Variants in EPHA6 observed in about 807,000 individuals in gnomAD.
The protein encoded by EPHA6 is EPH receptor A6.
A neutral mutation model predicts 112.0 loss-of-function variants in EPHA6; 50 were observed. The observed-to-expected ratio is 0.45, with a 90% CI of 0.36 to 0.56. The LOEUF (loss-of-function observed/expected upper bound fraction) is 0.56, where lower values mean the gene tolerates loss of function less well. Ranked by LOEUF, EPHA6 falls within the 20% of genes least tolerant of loss-of-function variation. The probability of loss-of-function intolerance (pLI) is 0.00; values close to 1 mark genes in which losing one functional copy is unlikely to be tolerated. For synonymous variants in EPHA6, 529 were observed against 490.7 expected, an observed-to-expected ratio of 1.08 and a Z score of -1.03; for missense variants, 1,280 against 1,417.4, an observed-to-expected ratio of 0.90 and a Z score of 1.56.
chr3:96,866,638 A>T (rs563651731), intron 1 of EPHA6, among the ~76,000 whole-genome samples, 187 bp from the exon 2 acceptor site: 99 of 151,836 alleles, frequency 6.5e-4, no homozygotes, highest in African/African-American at 2.4e-3. Context: ...GCATTTTATC[A>T]TTACTTAATA....
intron 8 of EPHA6, among the ~76,000 whole-genome samples, chr3:97,477,973 GT>G (rs1255770924): frequency 1.3e-5 from 2 of 152,014 alleles, no homozygotes; most frequent in African/African-American, 4.8e-5. Flanking sequence ...CATTTTCAAA[GT>G]TTCTTTGAAG....
rs572610446 is a variant in EPHA6, at chr3:96,992,952, G to A, written c.1114+4959G>A. Among the ~76,000 whole-genome samples the A allele has an allele frequency of 2.0e-5, 3 of 152,196 alleles. No homozygotes were observed. The East Asian group carries it at 5.8e-4, about 29-fold the overall frequency. ...AATTATTTGTGTATCTGTTTCACTAGGGCTGTCAGATAAAAGAGGTGTACT... is the reference window on the plus strand; with the variant it reads ...AATTATTTGTGTATCTGTTTCACTAAGGCTGTCAGATAAAAGAGGTGTACT... On this transcript the variant is annotated intron_variant, in intron 3 of 17. Coordinates refer to ENST00000389672, the MANE Select transcript of EPHA6 (RefSeq NM_001080448.3).
chr3:97,135,966 C>T (rs2075758680), intron 3 of EPHA6, among the ~76,000 whole-genome samples: 1 of 152,094 alleles, frequency 6.6e-6, no homozygotes, highest in Non-Finnish European at 1.5e-5. Context: ...AATATCCATG[C>T]TGCATTATAT....
chr3:96,994,903 A>C (rs2043364222), intron 3 of EPHA6, among the ~76,000 whole-genome samples: 1 of 151,782 alleles, frequency 6.6e-6, no homozygotes, highest in African/African-American at 2.4e-5. Flanking sequence ...TAACTTAACT[A>C]AATACTATTT....
At chr3:97,343,989 TCTC>T (rs1297633536) in intron 5 of EPHA6, among the ~76,000 whole-genome samples, 2 of 152,146 alleles carry the variant, frequency 1.3e-5, no homozygotes, top group Non-Finnish European at 2.9e-5. Context: ...ACTTCCCTAG[TCTC>T]CTATTTTTTC....
intron 16 of EPHA6, among the ~76,000 whole-genome samples, chr3:97,741,573 T>A (rs2035507026): frequency 6.6e-6 from 1 of 151,992 alleles, no homozygotes; most frequent in Non-Finnish European, 1.5e-5. Flanking sequence ...ATTATTCCCA[T>A]CCCTTAGACA....
intron 11 of EPHA6, among the ~76,000 whole-genome samples, chr3:97,546,581 C>G (rs528653156): frequency 7.9e-5 from 12 of 152,196 alleles, no homozygotes; most frequent in African/African-American, 2.9e-4. Context: ...TTGTGGAGTT[C>G]TCTGTATTTC....
intron 5 of EPHA6, among the ~76,000 whole-genome samples, chr3:97,378,008 C>A (rs1232775056): frequency 2.6e-5 from 4 of 152,204 alleles, no homozygotes; most frequent in Non-Finnish European, 5.9e-5. Context: ...AAACATTAAT[C>A]CCCAAGACAA....
intron 2 of EPHA6, among the ~76,000 whole-genome samples, chr3:96,882,451 A>C (rs1458149051): frequency 2.0e-5 from 3 of 152,102 alleles, no homozygotes; most frequent in African/African-American, 7.2e-5. Flanking sequence ...TGCACCTATC[A>C]CCTGAGCAGT....
intron 2 of EPHA6, among the ~76,000 whole-genome samples, chr3:96,951,001 CT>C (rs11457456): frequency 6.6e-6 from 1 of 150,376 alleles, no homozygotes; most frequent in Non-Finnish European, 1.5e-5. Context: ...GACTTCTTTG[CT>C]TTTTTTTTAC....
intron 3 of EPHA6, among the ~76,000 whole-genome samples, chr3:97,060,865 A>G (rs1462345959): frequency 7.2e-6 from 1 of 139,016 alleles, no homozygotes; most frequent in Non-Finnish European, 1.5e-5. Context: ...CGGAGCTTAC[A>G]GTGAGCCGAG....
intron 10 of EPHA6, among the ~76,000 whole-genome samples, chr3:97,494,343 G>A (rs1184325123): frequency 1.3e-5 from 2 of 152,150 alleles, no homozygotes; most frequent in Non-Finnish European, 2.9e-5. Context: ...CTCGCAGTAA[G>A]TGACACTTTC....
chr3:97,175,799 AC>A (rs1364690817), intron 3 of EPHA6, among the ~76,000 whole-genome samples: 7 of 151,502 alleles, frequency 4.6e-5, no homozygotes, highest in African/African-American at 1.5e-4. Flanking sequence ...TTCTTTTCTA[AC>A]AGTTTTTATA....
At chr3:97,056,206 T>TA (rs1251745326) in intron 3 of EPHA6, among the ~76,000 whole-genome samples, 1 of 152,156 alleles carries the variant, frequency 6.6e-6, no homozygotes, top group Admixed American at 6.5e-5. Context: ...AAACCTACCT[T>TA]ACGTCTATTG....
chr3:96,865,153 C>T (rs1383399301), intron 1 of EPHA6, among the ~76,000 whole-genome samples: 1 of 151,916 alleles, frequency 6.6e-6, no homozygotes, highest in African/African-American at 2.4e-5. Flanking sequence ...AAATTTATGA[C>T]TTAGTTTTAC....
chr3:96,963,487 C>T (rs2107758765), intron 2 of EPHA6, among the ~76,000 whole-genome samples: 1 of 152,150 alleles, frequency 6.6e-6, no homozygotes, highest in East Asian at 1.9e-4. Context: ...AATAGCCTTT[C>T]TTTTTTATTT....
rs2032561993 is a variant in EPHA6 at position 97,690,216 on chromosome 3, G to A, written c.2785-30045G>A. 2.6e-5 allele frequency among the ~76,000 whole-genome samples: 4 copies of A among 152,182 alleles called. No homozygotes were observed. The South Asian group carries it at 8.3e-4, about 32-fold the overall frequency. ...TCTGTGTTTAACTTTTTGAAAAGCT[G>A]CTAAATTGTTTTCCAAAGTGGCTGC... On this transcript the variant is annotated intron_variant, in intron 14 of 17. Transcript: ENST00000389672.
intron 3 of EPHA6, among the ~76,000 whole-genome samples, chr3:97,018,646 C>T (rs968533973): frequency 6.6e-5 from 10 of 152,270 alleles, no homozygotes; most frequent in African/African-American, 2.4e-4. Context: ...AAGACAGAGC[C>T]AGGTGTACAG....
intron 14 of EPHA6, among the ~76,000 whole-genome samples, chr3:97,700,978 G>A (rs1033668907): frequency 5.3e-5 from 8 of 152,130 alleles, no homozygotes; most frequent in African/African-American, 1.9e-4. Flanking sequence ...CAAAGTCCAG[G>A]AGGCAGGTAG....
Sources: allele counts gnomAD v4.1 joint callset (sites outside exome capture counted in the v4.1 genomes callset), GRCh38; gene constraint gnomAD v4.1.1; transcripts MANE v1.5; gene names NCBI Gene and HGNC (gene_info 2026-07-23, HGNC 2026-07-21).